The following CNTNAP5 variants were observed in gnomAD, a reference collection of about 807,000 sequenced individuals.
CNTNAP5 encodes contactin associated protein family member 5.
A neutral mutation model predicts 150.2 loss-of-function variants in CNTNAP5; 72 were observed. That is an observed-to-expected ratio of 0.48 (90% CI 0.40 to 0.58). The LOEUF (loss-of-function observed/expected upper bound fraction) is 0.58. CNTNAP5 is among the 20% of genes least tolerant of loss of function. CNTNAP5 has a pLI of 0.00. For synonymous variants in CNTNAP5, 672 were observed against 619.8 expected (o/e 1.08, Z -1.25); for missense variants, 1,636 against 1,626.2 (o/e 1.01, Z -0.10).
intron 3 of CNTNAP5, among the ~76,000 whole-genome samples, chr2:124,392,328 G>C (rs747190140): frequency 6.6e-6 from 1 of 152,104 alleles, no homozygotes; most frequent in African/African-American, 2.4e-5. Context: ...GAAAGAAATA[G>C]CTTTGATTGC....
intron 11 of CNTNAP5, among the ~76,000 whole-genome samples, chr2:124,600,741 GAGAGAGAGAGAGAGAGAGAGAGAGAGAA>G (rs1696967313): frequency 8.7e-6 from 1 of 114,576 alleles, no homozygotes; most frequent in Admixed American, 1.0e-4. Flanking sequence ...CAGAGAGAGA[GAGAGAGAGAGAGAGAGAGAGAGAGAGAA>G]AGAGAGAGAA....
intron 18 of CNTNAP5, among the ~76,000 whole-genome samples, chr2:124,795,299 A>G (rs1192974962): frequency 1.3e-5 from 2 of 152,132 alleles, no homozygotes; most frequent in Non-Finnish European, 2.9e-5. Flanking sequence ...GGAGGCTCAG[A>G]GACGCACCTT....
intron 2 of CNTNAP5, 65 bp from the exon 3 acceptor site, chr2:124,242,135 T>A: frequency 7.7e-7 from 1 of 1,301,486 alleles, no homozygotes; most frequent in Non-Finnish European, 1.1e-6. Flanking sequence ...CCTTTGATAG[T>A]TGAAAATTGT....
At chr2:124,568,010 T>C (rs1696072405) in intron 11 of CNTNAP5, among the ~76,000 whole-genome samples, 1 of 152,194 alleles carries the variant, frequency 6.6e-6, no homozygotes, top group Non-Finnish European at 1.5e-5. Context: ...TCATATCTAG[T>C]AAATGGTAGA....
chr2:124,719,603 A>G (rs1039208944), intron 13 of CNTNAP5, among the ~76,000 whole-genome samples: 3 of 152,160 alleles, frequency 2.0e-5, no homozygotes, highest in African/African-American at 7.2e-5. Context: ...ACCTCCTTGC[A>G]CAGAGATTTC....
intron 1 of CNTNAP5, among the ~76,000 whole-genome samples, chr2:124,043,716 A>G (rs1681452609): frequency 6.6e-6 from 1 of 152,046 alleles, no homozygotes; most frequent in Admixed American, 6.5e-5. Flanking sequence ...GTGGGAGAGA[A>G]GATTCAGTGA....
intron 18 of CNTNAP5, among the ~76,000 whole-genome samples, chr2:124,797,269 A>T (rs964923417): frequency 3.3e-4 from 50 of 152,194 alleles, no homozygotes; most frequent in African/African-American, 1.2e-3. Context: ...CTACACTAAC[A>T]TGGTAACAGT....
intron 16 of CNTNAP5, among the ~76,000 whole-genome samples, chr2:124,765,758 C>G (rs1047118485): frequency 6.6e-6 from 1 of 151,942 alleles, no homozygotes; most frequent in African/African-American, 2.4e-5. Context: ...GAGTTCGAGA[C>G]CAGCATGCCC....
intron 3 of CNTNAP5, among the ~76,000 whole-genome samples, chr2:124,394,031 T>G (rs1275522148): frequency 6.6e-6 from 1 of 152,176 alleles, no homozygotes; most frequent in Non-Finnish European, 1.5e-5. Context: ...TACACATTTC[T>G]AATATTTAAC....
At chr2:124,473,076 G>A (rs1693555737) in intron 6 of CNTNAP5, among the ~76,000 whole-genome samples, 1 of 151,898 alleles carries the variant, frequency 6.6e-6, no homozygotes, top group East Asian at 1.9e-4. Context: ...GATGAGCACA[G>A]CATTTACATG....
intron 19 of CNTNAP5, among the ~76,000 whole-genome samples, chr2:124,814,125 G>A (rs1016410604): frequency 6.7e-6 from 1 of 149,754 alleles, no homozygotes; most frequent in Admixed American, 6.7e-5. Flanking sequence ...TTTTTTTTAT[G>A]ATTCTTACAC....
At chr2:124,914,006 A>G (rs1315132444) in intron 23 of CNTNAP5, 86 bp from the exon 24 acceptor site, 2 of 926,114 alleles carry the variant, frequency 2.2e-6, no homozygotes, top group African/African-American at 3.4e-5. Flanking sequence ...TCTCCTACGC[A>G]TTCCCCTCAT....
At chr2:124,054,742 A>G (rs1681800207) in intron 1 of CNTNAP5, among the ~76,000 whole-genome samples, 1 of 152,190 alleles carries the variant, frequency 6.6e-6, no homozygotes, top group African/African-American at 2.4e-5. Flanking sequence ...ACAGCACTCA[A>G]GCCCCTTCCT....
chr2:124,522,957 A>G (rs1461437685), intron 8 of CNTNAP5, among the ~76,000 whole-genome samples: 1 of 152,150 alleles, frequency 6.6e-6, no homozygotes, highest in South Asian at 2.1e-4. Flanking sequence ...TTCCACCCAG[A>G]ATTGCAAGAG....
chr2:124,076,263 A>G (rs1682435133), intron 1 of CNTNAP5, among the ~76,000 whole-genome samples: 1 of 152,154 alleles, frequency 6.6e-6, no homozygotes, highest in South Asian at 2.1e-4. Context: ...CTGGAAATAT[A>G]GTTGATTTTG....
At chr2:124,668,811 G>C (rs1365176924) in intron 13 of CNTNAP5, among the ~76,000 whole-genome samples, 1 of 152,090 alleles carries the variant, frequency 6.6e-6, no homozygotes, top group Non-Finnish European at 1.5e-5. Context: ...TGGTCATTTG[G>C]GTAGAAATGG....
At chr2:124,338,005 G>A (rs1689520216) in intron 3 of CNTNAP5, among the ~76,000 whole-genome samples, 2 of 152,136 alleles carry the variant, frequency 1.3e-5, no homozygotes, top group Non-Finnish European at 2.9e-5. Context: ...TGAGCATGAA[G>A]TGTTCTTCCA....
chr2:124,187,011 T>TGACA (rs1447755546), intron 1 of CNTNAP5, among the ~76,000 whole-genome samples: 1 of 152,186 alleles, frequency 6.6e-6, no homozygotes, highest in East Asian at 1.9e-4. Flanking sequence ...GTTTGGGGCC[T>TGACA]GACACTTAGG....
intron 1 of CNTNAP5, among the ~76,000 whole-genome samples, chr2:124,194,257 A>G (rs977253528): frequency 5.9e-5 from 9 of 151,508 alleles, no homozygotes; most frequent in Non-Finnish European, 1.0e-4. Context: ...TGACTTGGCT[A>G]TATCTCATAT....
Sources: allele counts gnomAD v4.1 joint callset (sites outside exome capture counted in the v4.1 genomes callset), GRCh38; gene constraint gnomAD v4.1.1; transcripts MANE v1.5; gene names NCBI Gene and HGNC (gene_info 2026-07-23, HGNC 2026-07-21).